Variants in ROR2 observed in about 807,000 individuals in gnomAD.
The protein encoded by ROR2 is tyrosine-protein kinase transmembrane receptor ROR2.
In ROR2, 33 loss-of-function variants were observed where a neutral mutation model predicts 74.9. The observed-to-expected ratio is 0.44, with a 90% CI of 0.33 to 0.59. The LOEUF (loss-of-function observed/expected upper bound fraction) is 0.59. Among genes scored for constraint, ROR2 ranks in the 20% least tolerant of loss-of-function variants. The probability of loss-of-function intolerance (pLI) is 0.02; values close to 1 mark genes in which losing one functional copy is unlikely to be tolerated. For synonymous variants in ROR2, 586 were observed against 558.7 expected, an observed-to-expected ratio of 1.05 and a Z score of -0.69; for missense variants, 1,216 against 1,313.8, an observed-to-expected ratio of 0.93 and a Z score of 1.15.
At chr9:91,864,838 A>G (rs1587798788) in intron 1 of ROR2, among the ~76,000 whole-genome samples, 2 of 152,222 alleles carry the variant, frequency 1.3e-5, no homozygotes, top group East Asian at 3.8e-4. Flanking sequence ...GTCCAACTGT[A>G]GCATATGTTT....
rs144769687 is a variant in ROR2, at chr9:91,858,618, G to A, written c.98-82800C>T. Among the ~76,000 whole-genome samples, 425 of 152,314 alleles carry A rather than the reference G, an allele frequency of 2.8e-3. 4 individuals are homozygous for A. Among genetic ancestry groups the A allele is most frequent in the African/African-American group, 9.1e-3 (380 of 41,568 alleles). ...ACTGCTAGGGCGGCTCATTAACGTG[G>A]AGGCAAAGTAATGAGTTGAAAAACA... On this transcript the variant is annotated intron_variant, in intron 1 of 8. Coordinates refer to ENST00000375708, the MANE Select transcript of ROR2 (RefSeq NM_004560.4).
At chr9:91,761,420 G>A (rs755348497) in intron 2 of ROR2, among the ~76,000 whole-genome samples, 8 of 152,064 alleles carry the variant, frequency 5.3e-5, no homozygotes, top group Non-Finnish European at 7.4e-5. Context: ...TAGTAGTCCC[G>A]TCTGGGAGTG....
chr9:91,777,627 C>T (rs1299596971), intron 1 of ROR2, among the ~76,000 whole-genome samples: 2 of 151,946 alleles, frequency 1.3e-5, no homozygotes, highest in Admixed American at 1.3e-4. Context: ...CAACGATCAC[C>T]ACTATGAAAT....
chr9:91,879,447 T>G (rs1830045377), intron 1 of ROR2, among the ~76,000 whole-genome samples: 1 of 152,030 alleles, frequency 6.6e-6, no homozygotes. Flanking sequence ...GGGGGGTGTG[T>G]GTGTGTGTGG....
At chr9:91,878,168 T>G (rs1830007506) in intron 1 of ROR2, among the ~76,000 whole-genome samples, 1 of 152,190 alleles carries the variant, frequency 6.6e-6, no homozygotes, top group African/African-American at 2.4e-5. Flanking sequence ...ATGGGATACA[T>G]TCATTAAATT....
At chr9:91,767,497 A>C (rs547133348) in intron 2 of ROR2, among the ~76,000 whole-genome samples, 2 of 152,352 alleles carry the variant, frequency 1.3e-5, no homozygotes, top group African/African-American at 4.8e-5. Flanking sequence ...AGAAAACTTT[A>C]CATATTAGAG....
intron 1 of ROR2, among the ~76,000 whole-genome samples, chr9:91,780,386 T>TGAAA (rs1375408703): frequency 2.1e-4 from 12 of 57,896 alleles, no homozygotes; most frequent in Non-Finnish European, 2.3e-4. Flanking sequence ...AAAAAAAAAA[T>TGAAA]GAAAGAAAGA....
intron 1 of ROR2, among the ~76,000 whole-genome samples, chr9:91,886,378 C>G (rs1313178302): frequency 6.6e-6 from 1 of 152,132 alleles, no homozygotes; most frequent in Non-Finnish European, 1.5e-5. Context: ...GGACCGACAG[C>G]GTGGGCCGGT....
At chr9:91,875,069 T>C (rs574188096) in intron 1 of ROR2, among the ~76,000 whole-genome samples, 3 of 152,312 alleles carry the variant, frequency 2.0e-5, no homozygotes, top group South Asian at 4.1e-4. Context: ...GTTTAACATA[T>C]GGGTGGATCA....
At chr9:91,916,616 T>A (rs185807622) in intron 1 of ROR2, among the ~76,000 whole-genome samples, 105 of 152,320 alleles carry the variant, frequency 6.9e-4, no homozygotes, top group Admixed American at 6.8e-3. Context: ...TTCCATTATG[T>A]ACGGTTTTTT....
chr9:91,802,067 GTTT>G (rs60111555), intron 1 of ROR2, among the ~76,000 whole-genome samples: 8,156 of 103,472 alleles, frequency 0.079, 484 homozygotes, highest in East Asian at 0.28. Flanking sequence ...TTTGGAAGGT[GTTT>G]TTTTTTTTTT....
At chr9:91,921,467 C>T (rs1345022749) in intron 1 of ROR2, among the ~76,000 whole-genome samples, 1 of 152,248 alleles carries the variant, frequency 6.6e-6, no homozygotes, top group Non-Finnish European at 1.5e-5. Flanking sequence ...AAAGAGGACA[C>T]TTTTCAAGAG....
At chr9:91,885,868 CTTT>C (rs542499117) in intron 1 of ROR2, among the ~76,000 whole-genome samples, 2 of 108,156 alleles carry the variant, frequency 1.8e-5, no homozygotes, top group Non-Finnish European at 1.8e-5. Context: ...GTATGGTTTC[CTTT>C]TTTTTTTTTT....
chr9:91,907,855 C>T (rs1236812963), intron 1 of ROR2, among the ~76,000 whole-genome samples: 3 of 152,194 alleles, frequency 2.0e-5, no homozygotes, highest in Admixed American at 1.3e-4. Flanking sequence ...CAGCGTGGAT[C>T]GGATGCTGCC....
chr9:91,799,386 C>T (rs972422811), intron 1 of ROR2, among the ~76,000 whole-genome samples: 4 of 152,192 alleles, frequency 2.6e-5, no homozygotes, highest in Non-Finnish European at 2.9e-5. Context: ...AGTGCCGAGA[C>T]GGGGGCACGC....
At chr9:91,816,599 C>A (rs1430504863) in intron 1 of ROR2, among the ~76,000 whole-genome samples, 1 of 152,118 alleles carries the variant, frequency 6.6e-6, no homozygotes, top group Non-Finnish European at 1.5e-5. Context: ...CCTGCCAAGG[C>A]TCCCACACCA....
chr9:91,902,444 G>A lies in ROR2; in HGVS notation c.97+47423C>T, dbSNP rs568062024. Among the ~76,000 whole-genome samples, 4 of 151,906 alleles carry A rather than the reference G, an allele frequency of 2.6e-5. No individual in the cohort carries two copies. In the East Asian group the frequency reaches 5.8e-4, roughly 22 times the overall value. ...CCTCTCACAGCCAGGGCCTTCCCAC[G>A]CCTCAGGCCCCTACTGAAAACAGAT... On this transcript the variant is annotated intron_variant, in intron 1 of 8. Coordinates refer to ENST00000375708, the MANE Select transcript of ROR2 (RefSeq NM_004560.4).
intron 6 of ROR2, among the ~76,000 whole-genome samples, chr9:91,731,437 T>A (rs1189617380): frequency 6.6e-6 from 1 of 152,080 alleles, no homozygotes. Flanking sequence ...CCCACCAGAA[T>A]GGGGATGTCT....
chr9:91,787,109 T>C (rs1826829414), intron 1 of ROR2, among the ~76,000 whole-genome samples: 1 of 152,150 alleles, frequency 6.6e-6, no homozygotes, highest in Non-Finnish European at 1.5e-5. Flanking sequence ...TGATGAAAGG[T>C]GTCAGAAACA....
Sources: allele counts gnomAD v4.1 joint callset (sites outside exome capture counted in the v4.1 genomes callset), GRCh38; gene constraint gnomAD v4.1.1; transcripts MANE v1.5; gene names NCBI Gene and HGNC (gene_info 2026-07-23, HGNC 2026-07-21).